The following DAB1 variants were observed in gnomAD, a reference collection of about 807,000 sequenced individuals.
DAB1 encodes the protein DAB adaptor protein 1, also known as disabled homolog 1.
Under a neutral mutation model 64.6 loss-of-function variants are expected in DAB1, and 15 were observed. The ratio of observed to expected loss-of-function variants is 0.23; its 90% CI spans 0.16 to 0.36. The LOEUF is 0.36. DAB1 is among the 10% of genes least tolerant of loss of function. DAB1 has a pLI of 1.00. For synonymous variants in DAB1, 235 were observed against 251.9 expected, an observed-to-expected ratio of 0.93 and a Z score of 0.64; for missense variants, 596 against 706.7, an observed-to-expected ratio of 0.84 and a Z score of 1.78.
chr1:58,192,941 A>G (rs1657471316), intron 4 of DAB1, among the ~76,000 whole-genome samples: 1 of 152,232 alleles, frequency 6.6e-6, no homozygotes, highest in African/African-American at 2.4e-5. Context: ...GTGAATGTAC[A>G]CTTAGAAATG....
At chr1:57,752,342 G>C (rs908596532) in intron 6 of DAB1, among the ~76,000 whole-genome samples, 1 of 152,174 alleles carries the variant, frequency 6.6e-6, no homozygotes, top group South Asian at 2.1e-4. Flanking sequence ...TATAAGCCGG[G>C]TTTTGATGTT....
chr1:58,490,552 G>A (rs2100373910), intron 3 of DAB1, among the ~76,000 whole-genome samples: 1 of 152,094 alleles, frequency 6.6e-6, no homozygotes, highest in Admixed American at 6.5e-5. Flanking sequence ...CCCCAATCTA[G>A]CAAGGCAGGC....
intron 12 of DAB1, among the ~76,000 whole-genome samples, chr1:57,012,246 A>T (rs1023532838): frequency 8.5e-5 from 13 of 152,228 alleles, no homozygotes; most frequent in Admixed American, 8.5e-4. Context: ...TTTTACTCTG[A>T]TGAATCTATA....
chr1:57,213,021 G>A (rs1666147937), intron 2 of DAB1, among the ~76,000 whole-genome samples: 1 of 152,168 alleles, frequency 6.6e-6, no homozygotes, highest in African/African-American at 2.4e-5. Context: ...AATAGAGGCA[G>A]AAGGTGCAGT....
chr1:58,236,218 TC>T (rs1660031279), intron 4 of DAB1, among the ~76,000 whole-genome samples: 1 of 152,008 alleles, frequency 6.6e-6, no homozygotes. Context: ...TTTTCTCCCT[TC>T]TTCCAATAAA....
chr1:58,516,282 G>A (rs939220880), intron 2 of DAB1, among the ~76,000 whole-genome samples: 6 of 152,290 alleles, frequency 3.9e-5, no homozygotes, highest in East Asian at 1.9e-4. Flanking sequence ...TTAAGAAACT[G>A]TTACGAAAAA....
At chr1:57,261,853 T>G (rs1670205012) in intron 2 of DAB1, among the ~76,000 whole-genome samples, 2 of 152,194 alleles carry the variant, frequency 1.3e-5, no homozygotes, top group Admixed American at 1.3e-4. Flanking sequence ...TTTTCCAAGA[T>G]GAAGTGCGGT....
intron 5 of DAB1, among the ~76,000 whole-genome samples, chr1:57,938,684 T>C (rs774172998): frequency 6.6e-6 from 1 of 152,180 alleles, no homozygotes; most frequent in Non-Finnish European, 1.5e-5. Flanking sequence ...AGTGTGTCTT[T>C]ACAGCATGTG....
intron 7 of DAB1, among the ~76,000 whole-genome samples, chr1:57,553,416 AAGAAAG>A (rs1644941396): frequency 1.4e-4 from 2 of 14,406 alleles, no homozygotes; most frequent in Admixed American, 5.4e-4. Context: ...GAAAGAAAGA[AAGAAAG>A]AAAGAAAGAA....
intron 4 of DAB1, among the ~76,000 whole-genome samples, chr1:58,323,078 G>A (rs1233713439): frequency 2.0e-5 from 3 of 149,414 alleles, no homozygotes; most frequent in Non-Finnish European, 4.4e-5. Flanking sequence ...CATCACACAT[G>A]CGTTCCTATT....
chr1:58,351,301 G>C (rs971208131), intron 3 of DAB1, among the ~76,000 whole-genome samples: 1 of 152,084 alleles, frequency 6.6e-6, no homozygotes, highest in African/African-American at 2.4e-5. Flanking sequence ...CCCATGCATG[G>C]TTACAACCAC....
At chr1:57,122,356 C>T (rs1181840845) in intron 4 of DAB1, among the ~76,000 whole-genome samples, 1 of 152,138 alleles carries the variant, frequency 6.6e-6, no homozygotes, top group Non-Finnish European at 1.5e-5. Flanking sequence ...AAAAGAAAAA[C>T]AAATGACTTC....
At chr1:57,427,444 T>A (rs1185851393), upstream of DAB1, among the ~76,000 whole-genome samples, 1 of 152,178 alleles carries the variant, frequency 6.6e-6, no homozygotes, top group Non-Finnish European at 1.5e-5. Context: ...TTTATAACTA[T>A]GCACATGATT....
intron 1 of DAB1, among the ~76,000 whole-genome samples, chr1:57,406,033 G>C (rs558443892): frequency 6.6e-6 from 1 of 152,040 alleles, no homozygotes. Flanking sequence ...CTGCCACCCC[G>C]CCACTTTATG....
At chr1:57,003,376 C>T (rs1283672025) in intron 14 of DAB1, among the ~76,000 whole-genome samples, 1 of 152,142 alleles carries the variant, frequency 6.6e-6, no homozygotes, top group African/African-American at 2.4e-5. Context: ...AGCTACACAC[C>T]AGGACTGTGC....
intron 4 of DAB1, among the ~76,000 whole-genome samples, chr1:58,296,261 G>GAAAC (rs1553173621): frequency 3.6e-5 from 5 of 140,284 alleles, no homozygotes; most frequent in African/African-American, 1.3e-4. Flanking sequence ...AAGAAAGAAA[G>GAAAC]AAAAGTGAGG....
intron 7 of DAB1, among the ~76,000 whole-genome samples, chr1:57,644,206 A>G (rs549887697): frequency 1.9e-4 from 29 of 152,248 alleles, no homozygotes; most frequent in Non-Finnish European, 3.4e-4. Flanking sequence ...CCTGATTTGG[A>G]AGTTCAAAAG....
At chr1:57,424,100 G>C (rs1482061659), upstream of DAB1, 1 of 151,386 alleles carries the variant, frequency 6.6e-6, no homozygotes, top group Non-Finnish European at 1.5e-5. Flanking sequence ...CAGAGTAGGG[G>C]GAGGAGACCG....
downstream of DAB1, among the ~76,000 whole-genome samples, chr1:57,825,366 C>T (rs1358737583): frequency 1.3e-5 from 2 of 152,144 alleles, no homozygotes; most frequent in African/African-American, 4.8e-5. Context: ...AGTTACTTTC[C>T]AGTAGAGAAC....
Sources: allele counts gnomAD v4.1 joint callset (sites outside exome capture counted in the v4.1 genomes callset), GRCh38; gene constraint gnomAD v4.1.1; transcripts MANE v1.5; gene names NCBI Gene and HGNC (gene_info 2026-07-23, HGNC 2026-07-21).